Variants in LGR4 observed in about 807,000 individuals in gnomAD.
LGR4 encodes leucine rich repeat containing G protein-coupled receptor 4.
A neutral mutation model predicts 84.8 loss-of-function variants in LGR4; 44 were observed. That is an observed-to-expected ratio of 0.52 (90% CI 0.41 to 0.67). LGR4 has a LOEUF of 0.67. Ranked by LOEUF, LGR4 falls within the 30% of genes least tolerant of loss-of-function variation. The pLI is 0.00. For synonymous variants in LGR4, 429 were observed against 434.3 expected (o/e 0.99, Z 0.15); for missense variants, 1,032 against 1,131.4 (o/e 0.91, Z 1.26).
intron 2 of LGR4, among the ~76,000 whole-genome samples, chr11:27,400,456 T>G (rs2133385783): frequency 6.6e-6 from 1 of 151,984 alleles, no homozygotes; most frequent in East Asian, 1.9e-4. Context: ...GTAAATAAAC[T>G]AATGTAAATC....
intron 1 of LGR4, among the ~76,000 whole-genome samples, chr11:27,437,079 A>G (rs1259229280): frequency 1.3e-5 from 2 of 152,182 alleles, no homozygotes; most frequent in East Asian, 3.9e-4. Context: ...TAGAAACATG[A>G]GCCAAAAAAG....
intron 1 of LGR4, among the ~76,000 whole-genome samples, chr11:27,447,241 T>C (rs1200107384): frequency 2.0e-5 from 3 of 150,942 alleles, no homozygotes; most frequent in Non-Finnish European, 3.0e-5. Context: ...TGATAGGAGG[T>C]CAGCAGGAGT....
At chr11:27,384,096 G>C (rs969120962) in intron 6 of LGR4, among the ~76,000 whole-genome samples, 1 of 152,140 alleles carries the variant, frequency 6.6e-6, no homozygotes, top group African/African-American at 2.4e-5. Flanking sequence ...TGTAGATTGA[G>C]CTGTTTTGAA....
Position 27,371,705 on chromosome 11 carries a change from A to G in LGR4, c.1496-7T>C. On this transcript the variant is annotated splice_region_variant and splice_polypyrimidine_tract_variant and intron_variant, in intron 16 of 17. Coordinates refer to ENST00000379214, the MANE Select transcript of LGR4 (RefSeq NM_018490.5). ...TTTGCTGCATCAGCAGTACCTGAAC[A>G]TATAACACAAAGCATGTTTAATTAA... The G allele has an allele frequency of 6.3e-7, 1 of 1,594,754 alleles. No individual in the cohort carries two copies. Among genetic ancestry groups the G allele is most frequent in the Non-Finnish European group, 8.6e-7 (1 of 1,165,480 alleles).
intron 11 of LGR4, among the ~76,000 whole-genome samples, chr11:27,378,168 C>T (rs541286010): frequency 6.6e-6 from 1 of 152,278 alleles, no homozygotes; most frequent in South Asian, 2.1e-4. Flanking sequence ...CTTGCTTAAT[C>T]AATCAGTCAT....
chr11:27,460,511 G>A (rs1167545025), intron 1 of LGR4, among the ~76,000 whole-genome samples: 3 of 152,180 alleles, frequency 2.0e-5, no homozygotes, highest in Non-Finnish European at 4.4e-5. Context: ...ACATGATTAG[G>A]TGGAAAACCC....
intron 1 of LGR4, among the ~76,000 whole-genome samples, chr11:27,470,370 C>T (rs920590392): frequency 6.6e-6 from 1 of 152,130 alleles, no homozygotes; most frequent in Non-Finnish European, 1.5e-5. Flanking sequence ...CAGCCCGTTT[C>T]CTTATAGGAC....
At position 27,414,626 on chromosome 11, in the gene LGR4, T is replaced by C. The variant is rs555931646; in HGVS notation, c.186-1766A>G. 3.3e-5 allele frequency among the ~76,000 whole-genome samples: 5 copies of C among 152,248 alleles called. No homozygotes were observed. In the South Asian group the frequency reaches 1.0e-3, roughly 32 times the overall value. ...CAAATTACTATGCTTCTCTAGGAATTACTATTTTAAAACCCAGGCCCCAAT... is the reference window on the plus strand; with the variant it reads ...CAAATTACTATGCTTCTCTAGGAATCACTATTTTAAAACCCAGGCCCCAAT... On this transcript the variant is annotated intron_variant, in intron 1 of 17. Transcript: ENST00000379214.
intron 1 of LGR4, among the ~76,000 whole-genome samples, chr11:27,436,768 G>A (rs1171972558): frequency 2.0e-5 from 3 of 152,078 alleles, no homozygotes; most frequent in South Asian, 4.1e-4. Context: ...TGTTAATATC[G>A]TTTGTTCATA....
rs55946492 is a variant in LGR4, at chr11:27,464,901, A to C, written c.185+7217T>G. 7.9e-3 allele frequency among the ~76,000 whole-genome samples: 1,208 copies of C among 152,260 alleles called. 11 individuals are homozygous for C. Among genetic ancestry groups the C allele is most frequent in the Middle Eastern group, 0.044 (13 of 294 alleles). ...TGTTTTTAAAACTTTGAAAAAAAAA[A>C]CCTGCATTCTCCTAGTGTCAATCTA... On this transcript the variant is annotated intron_variant, in intron 1 of 17. Coordinates refer to ENST00000379214, the MANE Select transcript of LGR4 (RefSeq NM_018490.5).
intron 2 of LGR4, among the ~76,000 whole-genome samples, chr11:27,407,593 T>C (rs966504796): frequency 6.6e-6 from 1 of 152,150 alleles, no homozygotes; most frequent in Admixed American, 6.6e-5. Flanking sequence ...AAAAATACTT[T>C]TAGAAATTTA....
At chr11:27,388,122 G>A (rs1419043342) in intron 4 of LGR4, among the ~76,000 whole-genome samples, 5 of 152,114 alleles carry the variant, frequency 3.3e-5, no homozygotes, top group African/African-American at 1.2e-4. Context: ...CATATAAGTA[G>A]GGATTAAAAA....
chr11:27,371,650 T>C lies in LGR4; in HGVS notation c.1544A>G (p.His515Arg), dbSNP rs773240098. Residue 515 changes from histidine to arginine, a missense_variant, in exon 17 of 18, where the codon CAT becomes CGT. Transcript: ENST00000379214. ...TGTACAATGGATAATTATTTGACTA[T>C]GTTCTTCATTTTCAAGAGTGCTTGT... ...NVTSTLENEE[H>R]SQIIIHCTPS... is the part of the protein sequence containing the mutation. 1 of 1,613,498 alleles carries C rather than the reference T, an allele frequency of 6.2e-7. No homozygotes were observed. Among genetic ancestry groups the C allele is most frequent in the Admixed American group, 1.7e-5 (1 of 59,992 alleles).
rs1260826479 is a variant in LGR4 at position 27,472,168 on chromosome 11, C to G, written c.135G>C (p.Gly45=). 2 of 1,420,734 alleles carry G rather than the reference C, an allele frequency of 1.4e-6. No individual in the cohort carries two copies. The highest frequency in any genetic ancestry group is 6.4e-5 in the East Asian group (2 of 31,448). The allele number at this position is 1,420,734 out of a possible 1,614,324, so 88.0% of individuals were successfully genotyped here. A position where few individuals can be genotyped will look rare whatever the true frequency, so the allele number is the denominator to read the frequency against. Residue 45 remains glycine, a synonymous_variant, in exon 1 of 18, where the codon GGG becomes GGC. Transcript: ENST00000379214. Reference sequence around the variant, plus strand: ...CCTCGGGCACGGCCGTCAGCCCCTTCCCGGAGCAGTCCACCCGACGGTCGC... The same window carrying G: ...CCTCGGGCACGGCCGTCAGCCCCTTGCCGGAGCAGTCCACCCGACGGTCGC... ...CDGDRRVDCS[G]KGLTAVPEGL...
chr11:27,421,752 GGTTTT>G (rs1480448832), intron 1 of LGR4, among the ~76,000 whole-genome samples: 1 of 151,998 alleles, frequency 6.6e-6, no homozygotes, highest in Non-Finnish European at 1.5e-5. Context: ...AGCTTCTTTT[GGTTTT>G]GTTTATTTGT....
intron 2 of LGR4, among the ~76,000 whole-genome samples, chr11:27,397,699 A>G (rs1863416369): frequency 6.6e-6 from 1 of 152,194 alleles, no homozygotes; most frequent in Non-Finnish European, 1.5e-5. Context: ...ATATTTTCTT[A>G]AGGAAAGGTG....
intron 1 of LGR4, among the ~76,000 whole-genome samples, chr11:27,420,771 G>A (rs1321202664): frequency 6.6e-6 from 1 of 152,032 alleles, no homozygotes; most frequent in Non-Finnish European, 1.5e-5. Flanking sequence ...TGTGTCTTGG[G>A]GGAAGGTGGA....
chr11:27,469,644 T>A (rs1215328478), intron 1 of LGR4, among the ~76,000 whole-genome samples: 1 of 152,214 alleles, frequency 6.6e-6, no homozygotes, highest in Non-Finnish European at 1.5e-5. Flanking sequence ...GAACTCTGAT[T>A]AGTAATTATA....
At chr11:27,378,618 A>G in intron 11 of LGR4, 79 bp downstream of exon 11, 2 of 1,006,284 alleles carry the variant, frequency 2.0e-6, no homozygotes, top group Non-Finnish European at 3.1e-6. Flanking sequence ...TTATGAAAGT[A>G]GATCCTTAAA....
Sources: allele counts gnomAD v4.1 joint callset (sites outside exome capture counted in the v4.1 genomes callset), GRCh38; gene constraint gnomAD v4.1.1; transcripts MANE v1.5; gene names NCBI Gene and HGNC (gene_info 2026-07-23, HGNC 2026-07-21).